The following KCNMA1 variants were observed in gnomAD, a reference collection of about 807,000 sequenced individuals.
KCNMA1 encodes Calcium-activated potassium channel subunit alpha-1.
A neutral mutation model predicts 140.0 loss-of-function variants in KCNMA1; 29 were observed. That is an observed-to-expected ratio of 0.21 (90% CI 0.15 to 0.28). The LOEUF (loss-of-function observed/expected upper bound fraction) is 0.28. Among genes scored for constraint, KCNMA1 ranks in the 10% least tolerant of loss-of-function variants. The probability of loss-of-function intolerance (pLI) is 1.00; values close to 1 mark genes in which losing one functional copy is unlikely to be tolerated. For missense variants in KCNMA1, 880 were observed against 1,602.2 expected (o/e 0.55, Z 7.70); for synonymous variants, 612 against 611.9 (o/e 1.00, Z 0.00).
intron 2 of KCNMA1, among the ~76,000 whole-genome samples, chr10:77,281,097 A>C (rs1175933537): frequency 6.6e-6 from 1 of 151,974 alleles, no homozygotes; most frequent in Non-Finnish European, 1.5e-5. Flanking sequence ...AGATTTTCTT[A>C]TGAGAACAAA....
At chr10:77,286,243 A>C (rs1272096284) in intron 2 of KCNMA1, among the ~76,000 whole-genome samples, 1 of 152,216 alleles carries the variant, frequency 6.6e-6, no homozygotes, top group Non-Finnish European at 1.5e-5. Flanking sequence ...TACAGCAAAA[A>C]AGAAAACCCA....
chr10:77,348,996 A>G (rs2092554518), intron 2 of KCNMA1, among the ~76,000 whole-genome samples: 1 of 152,214 alleles, frequency 6.6e-6, no homozygotes, highest in Admixed American at 6.5e-5. Context: ...TTGTAAGATT[A>G]TAAAGATTGT....
chr10:76,923,770 C>A (rs1371112732), intron 23 of KCNMA1, among the ~76,000 whole-genome samples: 1 of 152,112 alleles, frequency 6.6e-6, no homozygotes, highest in African/African-American at 2.4e-5. Context: ...ATTGCTTGAG[C>A]TCAGGAGTTC....
chr10:77,571,941 A>T (rs1394798289), intron 1 of KCNMA1, among the ~76,000 whole-genome samples: 9 of 152,216 alleles, frequency 5.9e-5, no homozygotes, highest in Admixed American at 5.9e-4. Flanking sequence ...AAAGGAAAGC[A>T]GCAGCAACAA....
intron 21 of KCNMA1, among the ~76,000 whole-genome samples, chr10:76,949,885 T>G (rs1278894518): frequency 2.0e-5 from 3 of 152,174 alleles, no homozygotes; most frequent in African/African-American, 4.8e-5. Context: ...CATCAGCAGG[T>G]GGAACATGCT....
chr10:77,036,128 G>A (rs554845501), intron 15 of KCNMA1, among the ~76,000 whole-genome samples: 18 of 152,250 alleles, frequency 1.2e-4, no homozygotes, highest in East Asian at 3.9e-4. Flanking sequence ...TTTCTCCTGC[G>A]CTGGATGCTT....
chr10:77,277,079 GTC>G (rs2066885817), intron 2 of KCNMA1, among the ~76,000 whole-genome samples: 1 of 152,110 alleles, frequency 6.6e-6, no homozygotes, highest in Non-Finnish European at 1.5e-5. Flanking sequence ...TCTCTTCATT[GTC>G]TCTGCCCTGA....
At chr10:77,041,838 AG>A (rs2094721910) in intron 14 of KCNMA1, among the ~76,000 whole-genome samples, 1 of 152,296 alleles carries the variant, frequency 6.6e-6, no homozygotes, top group Admixed American at 6.5e-5. Context: ...TTGTATTAAA[AG>A]GCATCTTGCT....
intron 19 of KCNMA1, chr10:76,979,510 G>A (rs1312945488): frequency 1.3e-5 from 2 of 151,792 alleles, no homozygotes; most frequent in African/African-American, 4.8e-5. Context: ...AAATAGCCAT[G>A]ACTGGCAGAA....
chr10:77,461,566 A>G (rs80346921), intron 1 of KCNMA1, among the ~76,000 whole-genome samples: 7,948 of 152,100 alleles, frequency 0.052, 495 homozygotes, highest in African/African-American at 0.15. Context: ...GAGAGTGGGG[A>G]CACAGATCAC....
At chr10:77,243,713 C>T (rs756838689) in intron 3 of KCNMA1, among the ~76,000 whole-genome samples, 3 of 152,164 alleles carry the variant, frequency 2.0e-5, no homozygotes, top group Non-Finnish European at 4.4e-5. Flanking sequence ...ATAACAAATT[C>T]CAAACAGGCC....
intron 14 of KCNMA1, among the ~76,000 whole-genome samples, chr10:77,058,119 GGCTATATTAATATCAGATAAA>G (rs2153658139): frequency 6.6e-6 from 1 of 152,002 alleles, no homozygotes; most frequent in African/African-American, 2.4e-5. Flanking sequence ...AAGCTTGAGT[GGCTATATTAATATCAGATAAA>G]GTAGACTTCA....
At chr10:77,468,023 T>G (rs987072420) in intron 1 of KCNMA1, among the ~76,000 whole-genome samples, 8 of 152,234 alleles carry the variant, frequency 5.3e-5, no homozygotes, top group Non-Finnish European at 1.2e-4. Flanking sequence ...TTTTAAATTT[T>G]TTGACACAGA....
intron 29 of KCNMA1, among the ~76,000 whole-genome samples, chr10:76,879,435 C>T (rs916277124): frequency 3.3e-5 from 5 of 152,280 alleles, no homozygotes; most frequent in South Asian, 4.1e-4. Flanking sequence ...GCTACATCCT[C>T]ACAGTGAAGC....
chr10:77,058,900 A>C (rs2095640402), intron 14 of KCNMA1, among the ~76,000 whole-genome samples: 1 of 151,960 alleles, frequency 6.6e-6, no homozygotes, highest in Admixed American at 6.6e-5. Context: ...AAACAAACAA[A>C]CAAAAAATAC....
chr10:77,038,766 C>T (rs1390719370), intron 15 of KCNMA1, among the ~76,000 whole-genome samples: 1 of 152,112 alleles, frequency 6.6e-6, no homozygotes, highest in Non-Finnish European at 1.5e-5. Context: ...GTCTTGAATG[C>T]CTAGCCTCAA....
At chr10:77,602,812 G>A (rs1487221638) in intron 1 of KCNMA1, among the ~76,000 whole-genome samples, 1 of 152,208 alleles carries the variant, frequency 6.6e-6, no homozygotes, top group Non-Finnish European at 1.5e-5. Context: ...GGGGTTCTGA[G>A]TAACCAAAGC....
chr10:77,063,918 G>A, intron 14 of KCNMA1: 1 of 984,910 alleles, frequency 1.0e-6, no homozygotes, highest in Non-Finnish European at 1.2e-6. Flanking sequence ...CAATAAGATG[G>A]CTCTTATTTC....
chr10:77,096,437 C>T (rs1326758990), intron 9 of KCNMA1, among the ~76,000 whole-genome samples: 4 of 152,144 alleles, frequency 2.6e-5, no homozygotes, highest in Non-Finnish European at 4.4e-5. Context: ...TTTACTGTCC[C>T]CACTGCCCCC....
Sources: allele counts gnomAD v4.1 joint callset (sites outside exome capture counted in the v4.1 genomes callset), GRCh38; gene constraint gnomAD v4.1.1; transcripts MANE v1.5; gene names NCBI Gene and HGNC (gene_info 2026-07-23, HGNC 2026-07-21).